The following NKAIN3 variants were observed in gnomAD, a reference collection of about 807,000 sequenced individuals.
NKAIN3 encodes the protein sodium/potassium-transporting ATPase subunit beta-1-interacting protein 3.
In NKAIN3, 25 loss-of-function variants were observed where a neutral mutation model predicts 30.2. That is an observed-to-expected ratio of 0.83 (90% CI 0.60 to 1.16). The LOEUF (loss-of-function observed/expected upper bound fraction) is 1.16. Among genes scored for constraint, NKAIN3 ranks in the 50% most tolerant of loss-of-function variants. NKAIN3 has a pLI of 0.00. For synonymous variants in NKAIN3, 91 were observed against 89.6 expected (o/e 1.02, Z -0.09); for missense variants, 225 against 254.1 (o/e 0.89, Z 0.78).
intron 1 of NKAIN3, among the ~76,000 whole-genome samples, chr8:62,302,899 A>G (rs979264750): frequency 2.8e-5 from 4 of 144,912 alleles, no homozygotes; most frequent in African/African-American, 1.2e-4. Context: ...GTAACATTAT[A>G]TAGAGGTTTG....
At chr8:62,918,421 T>A in intron 4 of NKAIN3, 32 bp from the exon 5 acceptor site, 1 of 1,544,968 alleles carries the variant, frequency 6.5e-7, no homozygotes, top group Non-Finnish European at 8.9e-7. Context: ...TTGGCATAGA[T>A]TCTTAAGGTA....
At chr8:62,883,876 C>G (rs1424439219) in intron 4 of NKAIN3, among the ~76,000 whole-genome samples, 2 of 151,776 alleles carry the variant, frequency 1.3e-5, no homozygotes, top group African/African-American at 4.8e-5. Flanking sequence ...GTATTCAATT[C>G]CTAGTTTCTT....
chr8:62,286,501 A>T (rs1263894612), intron 1 of NKAIN3, among the ~76,000 whole-genome samples: 3 of 152,158 alleles, frequency 2.0e-5, no homozygotes, highest in Admixed American at 2.0e-4. Flanking sequence ...GTTGTCTAGG[A>T]ATCCTCTGTT....
intron 3 of NKAIN3, among the ~76,000 whole-genome samples, chr8:62,629,553 C>A (rs1179554353): frequency 6.6e-6 from 1 of 152,032 alleles, no homozygotes; most frequent in South Asian, 2.1e-4. Flanking sequence ...AGTAAAATCA[C>A]CAAGAACAAT....
At chr8:62,878,715 T>C (rs1389876733) in intron 4 of NKAIN3, among the ~76,000 whole-genome samples, 1 of 138,760 alleles carries the variant, frequency 7.2e-6, no homozygotes, top group African/African-American at 2.7e-5. Flanking sequence ...TCCTGTGTCC[T>C]GTGTTCTCAT....
chr8:62,885,527 C>T lies in NKAIN3; in HGVS notation c.472-32926C>T, dbSNP rs181315048. ...TTGATGGTTGTGTTGAGTTCAACTA[C>T]GTTCTTACTGATTTTCTGCCTGCTG... On this transcript the variant is annotated intron_variant, in intron 4 of 6. Transcript: ENST00000623646. Among the ~76,000 whole-genome samples, 59 of 152,268 alleles carry T rather than the reference C, an allele frequency of 3.9e-4. 1 individual carries two copies. In the East Asian group the frequency reaches 8.3e-3, roughly 21 times the overall value.
intron 4 of NKAIN3, among the ~76,000 whole-genome samples, chr8:62,804,083 T>C (rs1175600346): frequency 6.6e-6 from 1 of 152,180 alleles, no homozygotes; most frequent in African/African-American, 2.4e-5. Flanking sequence ...AATCTCTGAA[T>C]AGACCAATAA....
chr8:62,790,774 A>T (rs924320873), intron 4 of NKAIN3, among the ~76,000 whole-genome samples: 3 of 152,134 alleles, frequency 2.0e-5, no homozygotes, highest in Non-Finnish European at 1.5e-5. Context: ...TTGGGCAAGT[A>T]ATAACAACTC....
At chr8:62,518,505 T>A (rs1298698494) in intron 1 of NKAIN3, among the ~76,000 whole-genome samples, 1 of 152,154 alleles carries the variant, frequency 6.6e-6, no homozygotes, top group Admixed American at 6.6e-5. Flanking sequence ...GGTGTTGGAA[T>A]ATCAAATAGG....
intron 1 of NKAIN3, among the ~76,000 whole-genome samples, chr8:62,573,685 G>C (rs1250056359): frequency 6.6e-6 from 1 of 151,556 alleles, no homozygotes; most frequent in Non-Finnish European, 1.5e-5. Flanking sequence ...CTTTTTTTAA[G>C]TGTCTAAGAT....
Position 62,304,623 on chromosome 8 carries a change from C to T in NKAIN3, c.54+55496C>T, listed in dbSNP as rs114741806. On this transcript the variant is annotated intron_variant, in intron 1 of 6. Coordinates refer to ENST00000623646, the MANE Select transcript of NKAIN3 (RefSeq NM_001304533.3). ...TGAAGCAAGAATGGGGAATTGAAACCCAGCAGGTATGAAGTACTAGTCTCA... is the reference window on the plus strand; with the variant it reads ...TGAAGCAAGAATGGGGAATTGAAACTCAGCAGGTATGAAGTACTAGTCTCA... Among the ~76,000 whole-genome samples, 232 of 150,336 alleles carry T rather than the reference C, an allele frequency of 1.5e-3. 23 individuals are homozygous for T. Among genetic ancestry groups the T allele is most frequent in the African/African-American group, 5.5e-3 (220 of 39,872 alleles).
intron 4 of NKAIN3, among the ~76,000 whole-genome samples, chr8:62,904,977 G>T (rs1821734531): frequency 6.6e-6 from 1 of 152,152 alleles, no homozygotes; most frequent in African/African-American, 2.4e-5. Flanking sequence ...TTTGCATCAG[G>T]TCTCTCGGAG....
At chr8:62,744,332 C>T (rs1414967332) in intron 3 of NKAIN3, among the ~76,000 whole-genome samples, 8 of 151,978 alleles carry the variant, frequency 5.3e-5, no homozygotes, top group Non-Finnish European at 1.0e-4. Context: ...GGAATAGTAC[C>T]ATTTATAAAT....
At chr8:62,532,911 CAA>C (rs1269275016) in intron 1 of NKAIN3, among the ~76,000 whole-genome samples, 1 of 152,126 alleles carries the variant, frequency 6.6e-6, no homozygotes, top group Non-Finnish European at 1.5e-5. Context: ...ACTAATGAGT[CAA>C]TATTTTGGAC....
chr8:62,511,113 C>G (rs2129735000), intron 1 of NKAIN3, among the ~76,000 whole-genome samples: 1 of 152,294 alleles, frequency 6.6e-6, no homozygotes, highest in South Asian at 2.1e-4. Flanking sequence ...CACACCCTCC[C>G]CATGTAGCTC....
In NKAIN3 at chr8:62,616,389, A is replaced by T. The variant is rs564177629; in HGVS notation, c.273+26595A>T. Among the ~76,000 whole-genome samples the T allele has an allele frequency of 7.8e-4, 119 of 152,178 alleles. 2 individuals carry two copies. The highest frequency in any genetic ancestry group is 2.5e-3 in the Admixed American group (38 of 15,282). On this transcript the variant is annotated intron_variant, in intron 3 of 6. Coordinates refer to ENST00000623646, the MANE Select transcript of NKAIN3 (RefSeq NM_001304533.3). ...TCAGGTTTGATAACTCCCTAGGATG[A>T]CTCACAGAGTCCTGGAAAGCACTTT...
At chr8:62,450,043 T>C in intron 1 of NKAIN3, among the ~76,000 whole-genome samples, 1 of 152,176 alleles carries the variant, frequency 6.6e-6, no homozygotes, top group East Asian at 1.9e-4. Context: ...TATGATTAAG[T>C]AAGCTAAAGA....
chr8:62,707,491 T>C (rs1478954655), intron 3 of NKAIN3, among the ~76,000 whole-genome samples: 2 of 152,174 alleles, frequency 1.3e-5, no homozygotes, highest in Non-Finnish European at 2.9e-5. Context: ...ATGTTGAGCA[T>C]TTTTTCATAT....
chr8:62,355,568 A>G (rs1464637093), intron 1 of NKAIN3, among the ~76,000 whole-genome samples: 1 of 152,126 alleles, frequency 6.6e-6, no homozygotes, highest in Non-Finnish European at 1.5e-5. Flanking sequence ...TTTTTCTAAT[A>G]TTTGTCACCA....
Sources: gnomAD v4.1 joint callset for allele counts (sites outside exome capture counted in the v4.1 genomes callset) on GRCh38, gnomAD v4.1.1 for gene constraint, MANE v1.5 for transcripts, NCBI Gene and HGNC (gene_info 2026-07-23, HGNC 2026-07-21) for gene names.